Variants in WWTR1 observed in about 807,000 individuals in gnomAD.
The protein encoded by WWTR1 is WW domain-containing transcription regulator protein 1.
A neutral mutation model predicts 40.1 loss-of-function variants in WWTR1; 13 were observed. That is an observed-to-expected ratio of 0.32 (90% CI 0.21 to 0.52). The LOEUF (loss-of-function observed/expected upper bound fraction) is 0.52, where lower values mean the gene tolerates loss of function less well. Ranked by LOEUF, WWTR1 falls within the 20% of genes least tolerant of loss-of-function variation. The probability of loss-of-function intolerance (pLI) is 0.97; values close to 1 mark genes in which losing one functional copy is unlikely to be tolerated. For missense variants in WWTR1, 436 were observed against 523.1 expected (o/e 0.83, Z 1.63); for synonymous variants, 230 against 210.1 (o/e 1.09, Z -0.82).
chr3:149,722,873 G>T (rs1373352269), intron 4 of WWTR1, among the ~76,000 whole-genome samples: 1 of 151,552 alleles, frequency 6.6e-6, no homozygotes, highest in Admixed American at 6.6e-5. Flanking sequence ...TTCTTTTTAG[G>T]TTTTCTATTT....
At chr3:149,613,751 GC>G (rs1739842780) in intron 2 of WWTR1, among the ~76,000 whole-genome samples, 1 of 151,972 alleles carries the variant, frequency 6.6e-6, no homozygotes, top group South Asian at 2.1e-4. Context: ...TCTCACTGTT[GC>G]CCAGGCTGGT....
At chr3:149,573,232 C>A (rs987098230) in intron 2 of WWTR1, among the ~76,000 whole-genome samples, 1 of 152,136 alleles carries the variant, frequency 6.6e-6, no homozygotes, top group South Asian at 2.1e-4. Flanking sequence ...CCCAAGACAT[C>A]GCTGTCCAGA....
At position 149,519,801 on chromosome 3, in the gene WWTR1, G is replaced by C. The variant is rs1163869282; in HGVS notation, c.*1004C>G. The C allele has an allele frequency of 6.6e-6, 1 of 152,196 alleles. No individual in the cohort carries two copies. The highest frequency in any genetic ancestry group is 1.5e-5 in the Non-Finnish European group (1 of 68,086). 9.4% of individuals were successfully genotyped at this position (152,196 alleles called of 1,614,324 possible). A position where few individuals can be genotyped will look rare whatever the true frequency, so the allele number is the denominator to read the frequency against. Reference sequence around the variant, plus strand: ...TACTCAAAATACAAAAAATTAGCCGGACGTGGTGGCAGGTGCCTGTAATCC... The same window carrying C: ...TACTCAAAATACAAAAAATTAGCCGCACGTGGTGGCAGGTGCCTGTAATCC... On this transcript the variant is annotated 3_prime_UTR_variant, in exon 7 of 7. Coordinates refer to ENST00000360632, the MANE Select transcript of WWTR1 (RefSeq NM_015472.6).
intron 2 of WWTR1, among the ~76,000 whole-genome samples, chr3:149,619,318 A>G (rs1740154499): frequency 6.6e-6 from 1 of 152,160 alleles, no homozygotes; most frequent in Non-Finnish European, 1.5e-5. Flanking sequence ...GTTTGTCAGT[A>G]GTATTATTAA....
intron 2 of WWTR1, among the ~76,000 whole-genome samples, chr3:149,592,610 T>G (rs1245833819): frequency 6.6e-6 from 1 of 152,250 alleles, no homozygotes; most frequent in African/African-American, 2.4e-5. Flanking sequence ...TATATGTATG[T>G]GTATAAATAT....
chr3:149,573,440 T>A (rs577777806), intron 2 of WWTR1, among the ~76,000 whole-genome samples: 16 of 152,056 alleles, frequency 1.1e-4, no homozygotes, highest in Non-Finnish European at 2.1e-4. Flanking sequence ...ATAATGAGGA[T>A]CCCTTTGGCT....
Position 149,518,069 on chromosome 3 carries a change from CTCTAACTTTAGATT to C in WWTR1, c.*2722_*2735del, listed in dbSNP as rs1300252772. On this transcript the variant is annotated 3_prime_UTR_variant, in exon 7 of 7. Coordinates refer to ENST00000360632, the MANE Select transcript of WWTR1 (RefSeq NM_015472.6). ...ATAGGAAATAGCCATTAAAAAGTTG[CTCTAACTTTAGATT>C]TCTAACTTTAGTGTTCTTTAACAAA... The C allele has an allele frequency of 6.6e-6, 1 of 152,084 alleles. No homozygotes were observed. The highest frequency in any genetic ancestry group is 6.5e-5 in the Admixed American group (1 of 15,280). 9.4% of individuals were successfully genotyped at this position (152,084 alleles called of 1,614,324 possible). A position where few individuals can be genotyped will look rare whatever the true frequency, so the allele number is the denominator to read the frequency against.
chr3:149,618,498 C>A (rs1287225703), intron 2 of WWTR1, among the ~76,000 whole-genome samples: 3 of 152,206 alleles, frequency 2.0e-5, no homozygotes, highest in Non-Finnish European at 4.4e-5. Flanking sequence ...GTCACACAGC[C>A]AGCGTTTGAA....
At chr3:149,565,098 G>C (rs1314473114) in intron 3 of WWTR1, among the ~76,000 whole-genome samples, 1 of 152,038 alleles carries the variant, frequency 6.6e-6, no homozygotes, top group Non-Finnish European at 1.5e-5. Context: ...GAGCTGGGAG[G>C]ATGGCTTGAA....
intron 2 of WWTR1, among the ~76,000 whole-genome samples, chr3:149,582,196 C>T (rs1028083623): frequency 6.6e-6 from 1 of 151,936 alleles, no homozygotes; most frequent in Non-Finnish European, 1.5e-5. Flanking sequence ...CAACAGCACC[C>T]GGCCCTGGCA....
intron 3 of WWTR1, among the ~76,000 whole-genome samples, chr3:149,724,499 T>TA (rs11382942): frequency 0.43 from 62,164 of 146,216 alleles, 13,288 homozygotes; most frequent in African/African-American, 0.52. Flanking sequence ...CCAGACTCCT[T>TA]AAAAAAAAAA....
At chr3:149,662,515 CA>C (rs2108176081), upstream of WWTR1, among the ~76,000 whole-genome samples, 1 of 152,316 alleles carries the variant, frequency 6.6e-6, no homozygotes, top group Non-Finnish European at 1.5e-5. Flanking sequence ...CACATCCAAT[CA>C]GCGGCAAATG....
At chr3:149,640,335 G>T (rs779417779) in intron 2 of WWTR1, among the ~76,000 whole-genome samples, 2 of 152,162 alleles carry the variant, frequency 1.3e-5, no homozygotes, top group African/African-American at 2.4e-5. Context: ...AGAACTTTTT[G>T]AAAGTTTCTA....
intron 2 of WWTR1, among the ~76,000 whole-genome samples, chr3:149,636,830 G>A (rs917169889): frequency 1.3e-5 from 2 of 151,994 alleles, no homozygotes; most frequent in African/African-American, 4.8e-5. Flanking sequence ...AGCTGGGTGT[G>A]GTGGCAGGTG....
intron 1 of WWTR1, among the ~76,000 whole-genome samples, chr3:149,679,807 C>T (rs1246478464): frequency 6.6e-6 from 1 of 152,184 alleles, no homozygotes; most frequent in Non-Finnish European, 1.5e-5. Context: ...AATGGACAGA[C>T]TTAACTGTCC....
intron 2 of WWTR1, among the ~76,000 whole-genome samples, chr3:149,605,833 T>C (rs1739456322): frequency 6.6e-6 from 1 of 152,142 alleles, no homozygotes. Flanking sequence ...TCCTGTCCAA[T>C]ACCACTGAGA....
At chr3:149,664,110 G>A (rs1283484892) in intron 2 of WWTR1, among the ~76,000 whole-genome samples, 2 of 152,244 alleles carry the variant, frequency 1.3e-5, no homozygotes, top group African/African-American at 4.8e-5. Context: ...AAGGTGTATG[G>A]TTAGAAACTT....
intron 2 of WWTR1, among the ~76,000 whole-genome samples, chr3:149,605,800 G>A (rs1739455440): frequency 6.6e-6 from 1 of 152,112 alleles, no homozygotes; most frequent in African/African-American, 2.4e-5. Context: ...TTAACATTCT[G>A]AAGTCCTCTC....
chr3:149,655,450 CA>C (rs112985178), intron 2 of WWTR1, among the ~76,000 whole-genome samples: 13,150 of 152,082 alleles, frequency 0.086, 1,481 homozygotes, highest in African/African-American at 0.26. Context: ...GTCTCAAAAA[CA>C]AAAACAAACA....
Sources: allele counts gnomAD v4.1 joint callset (sites outside exome capture counted in the v4.1 genomes callset), GRCh38; gene constraint gnomAD v4.1.1; transcripts MANE v1.5; gene names NCBI Gene and HGNC (gene_info 2026-07-23, HGNC 2026-07-21).